ZDHHC14: variants seen among roughly 807,000 people sequenced by gnomAD.
ZDHHC14 encodes palmitoyltransferase ZDHHC14.
Under a neutral mutation model 47.7 loss-of-function variants are expected in ZDHHC14, and 16 were observed. That is an observed-to-expected ratio of 0.34 (90% CI 0.23 to 0.51). The LOEUF (loss-of-function observed/expected upper bound fraction) is 0.51. ZDHHC14 is among the 20% of genes least tolerant of loss of function. ZDHHC14 has a pLI of 0.97. For synonymous variants in ZDHHC14, 293 were observed against 278.9 expected, an observed-to-expected ratio of 1.05 and a Z score of -0.50; for missense variants, 515 against 662.5, an observed-to-expected ratio of 0.78 and a Z score of 2.44.
intron 1 of ZDHHC14, among the ~76,000 whole-genome samples, chr6:157,418,893 G>T (rs953871785): frequency 6.6e-6 from 1 of 152,188 alleles, no homozygotes; most frequent in Non-Finnish European, 1.5e-5. Flanking sequence ...ACTAAGCTGG[G>T]TAGAAAGCAC....
rs557941789 is a variant in ZDHHC14 at position 157,470,512 on chromosome 6, A to G, written c.246-72073A>G. Among the ~76,000 whole-genome samples, 3 of 152,374 alleles carry G rather than the reference A, an allele frequency of 2.0e-5. No homozygotes were observed. The South Asian group carries it at 6.2e-4, about 32-fold the overall frequency. ...TGGATTGAAAAAGTGTCAAAAAGCT[A>G]AAGGTATCCATTGACCACAAGTATG... On this transcript the variant is annotated intron_variant, in intron 1 of 8. Transcript: ENST00000359775.
intron 1 of ZDHHC14, among the ~76,000 whole-genome samples, chr6:157,523,129 T>C (rs1216471039): frequency 6.6e-6 from 1 of 151,702 alleles, no homozygotes; most frequent in Non-Finnish European, 1.5e-5. Flanking sequence ...TCTCTCTCTA[T>C]AGCCCTAGGG....
At chr6:157,592,713 G>T in intron 2 of ZDHHC14, 1 of 1,187,152 alleles carries the variant, frequency 8.4e-7, no homozygotes, top group African/African-American at 1.6e-5. Flanking sequence ...AAAAGGGCGG[G>T]GCTCCACAGG....
chr6:157,653,140 G>A (rs1056967645), intron 7 of ZDHHC14, among the ~76,000 whole-genome samples: 6 of 152,160 alleles, frequency 3.9e-5, no homozygotes, highest in Admixed American at 1.3e-4. Flanking sequence ...GCAGGTACTC[G>A]AAACAACGTT....
At position 157,673,056 on chromosome 6, in the gene ZDHHC14, C is replaced by T. The variant is rs368824062; in HGVS notation, c.1401C>T (p.Gly467=). 3.8e-6 allele frequency: 6 copies of T among 1,567,840 alleles called. No homozygotes were observed. In the African/African-American group the frequency reaches 6.8e-5, roughly 18 times the overall value. Residue 467 remains glycine, a synonymous_variant, in exon 9 of 9, where the codon GGC becomes GGT. Transcript: ENST00000359775. This position sits in a 1 kb window ranked among gnomAD's most constrained non-coding sequence, Gnocchi z 5.4. ...ACAGCCGCACCATGCACGTGCTGGG[C>T]CTGGCCAGCCAGGACTCCCTGCATG... ...LAHSRTMHVL[G]LASQDSLHED... is the part of the protein sequence containing the mutation.
chr6:157,479,821 G>C (rs1159468684), intron 1 of ZDHHC14, among the ~76,000 whole-genome samples: 3 of 152,250 alleles, frequency 2.0e-5, no homozygotes, highest in African/African-American at 7.2e-5. Context: ...GGCCCAGAGA[G>C]AGCTGGAAGG....
At chr6:157,663,663 G>A (rs1027989779) in intron 8 of ZDHHC14, among the ~76,000 whole-genome samples, 5 of 152,162 alleles carry the variant, frequency 3.3e-5, no homozygotes, top group East Asian at 1.9e-4. Flanking sequence ...TTTAGGGACC[G>A]TGCTCACAGG....
chr6:157,676,213 A>AGGAAGCAGGGGGATGCTG lies in ZDHHC14; in HGVS notation c.*3091_*3092insGGAAGCAGGGGGATGCTG, dbSNP rs1554281223. The stretch of plus-strand genomic sequence containing the variant: ...GCAGACAGACTGCATCCAGGAGGGC[A>AGGAAGCAGGGGGATGCTG]CAGTGACCTGTCACTCCGTTCTGCA... On this transcript the variant is annotated 3_prime_UTR_variant, in exon 9 of 9. Transcript: ENST00000359775. 2 of 149,416 alleles carry AGGAAGCAGGGGGATGCTG rather than the reference A, an allele frequency of 1.3e-5. No homozygotes were observed. Among genetic ancestry groups the AGGAAGCAGGGGGATGCTG allele is most frequent in the Non-Finnish European group, 3.0e-5 (2 of 66,428 alleles). 9.3% of individuals were successfully genotyped at this position (149,416 alleles called of 1,614,324 possible).
Position 157,673,529 on chromosome 6 carries a change from TA to T in ZDHHC14, c.*421del, listed in dbSNP as rs376797747. ...CAGACCTGCCATTCCATTTGTTAAT[TA>T]AAAAAAAAAAAAATCCTAAAGGGAA... On this transcript the variant is annotated 3_prime_UTR_variant, in exon 9 of 9. Coordinates refer to ENST00000359775, the MANE Select transcript of ZDHHC14 (RefSeq NM_024630.3). This position sits in a 1 kb window ranked among gnomAD's most constrained non-coding sequence, Gnocchi z 5.4. 10,694 of 153,294 alleles carry T rather than the reference TA, an allele frequency of 0.07. 516 individuals are homozygous for T. The highest frequency in any genetic ancestry group is 0.15 in the African/African-American group (5,968 of 39,702). 9.5% of individuals were successfully genotyped at this position (153,294 alleles called of 1,614,324 possible).
At chr6:157,393,165 C>T (rs984780915) in intron 1 of ZDHHC14, among the ~76,000 whole-genome samples, 1 of 152,200 alleles carries the variant, frequency 6.6e-6, no homozygotes, top group African/African-American at 2.4e-5. Context: ...AGGCGTGAGC[C>T]ACCGCACCCA....
chr6:157,469,205 T>C (rs1317660208), intron 1 of ZDHHC14, among the ~76,000 whole-genome samples: 1 of 152,122 alleles, frequency 6.6e-6, no homozygotes, highest in Non-Finnish European at 1.5e-5. Context: ...GCCCTAAACA[T>C]TTCTTCATCC....
At chr6:157,492,689 C>T (rs1031356832) in intron 1 of ZDHHC14, among the ~76,000 whole-genome samples, 2 of 152,208 alleles carry the variant, frequency 1.3e-5, no homozygotes, top group Non-Finnish European at 2.9e-5. Context: ...AGTTTACAAT[C>T]TAGGGCATGA....
Position 157,498,156 on chromosome 6 carries a change from G to T in ZDHHC14, c.246-44429G>T, listed in dbSNP as rs139596131. Among the ~76,000 whole-genome samples the T allele has an allele frequency of 2.7e-3, 415 of 152,312 alleles. 2 individuals are homozygous for T. Among genetic ancestry groups the T allele is most frequent in the African/African-American group, 9.6e-3 (399 of 41,568 alleles). ...CATGTTAGCAATAAAGAGCCGGGGG[G>T]CTGGGTGCAGTGGCTCATGCCTGTA... On this transcript the variant is annotated intron_variant, in intron 1 of 8. Coordinates refer to ENST00000359775, the MANE Select transcript of ZDHHC14 (RefSeq NM_024630.3).
chr6:157,434,265 C>T (rs1239338517), intron 1 of ZDHHC14, among the ~76,000 whole-genome samples: 1 of 147,306 alleles, frequency 6.8e-6, no homozygotes, highest in African/African-American at 2.6e-5. Context: ...TTCAGGGTCA[C>T]TGAACTATTC....
intron 1 of ZDHHC14, among the ~76,000 whole-genome samples, chr6:157,435,362 G>A (rs1187154797): frequency 6.6e-6 from 1 of 152,236 alleles, no homozygotes; most frequent in Non-Finnish European, 1.5e-5. Flanking sequence ...GGTAGGAGAA[G>A]GGAGGGAAGG....
intron 1 of ZDHHC14, among the ~76,000 whole-genome samples, chr6:157,474,020 G>T (rs1203689398): frequency 7.3e-6 from 1 of 136,810 alleles, no homozygotes; most frequent in Non-Finnish European, 1.5e-5. Context: ...ACGGAGTCTC[G>T]CTCTATCGCC....
chr6:157,437,947 A>C lies in ZDHHC14; in HGVS notation c.245+55681A>C, dbSNP rs140941152. ...AGGTTTACTTTCTTTTTATTTTATA[A>C]TTTACTTGGTTTTCTAAATAGGTAT... On this transcript the variant is annotated intron_variant, in intron 1 of 8. Coordinates refer to ENST00000359775, the MANE Select transcript of ZDHHC14 (RefSeq NM_024630.3). Among the ~76,000 whole-genome samples the C allele has an allele frequency of 7.0e-3, 1,071 of 152,216 alleles. 13 individuals carry two copies. The highest frequency in any genetic ancestry group is 0.023 in the African/African-American group (974 of 41,524).
intron 2 of ZDHHC14, among the ~76,000 whole-genome samples, chr6:157,569,502 G>A (rs147248705): frequency 0.019 from 2,847 of 151,706 alleles, 92 homozygotes; most frequent in African/African-American, 0.065. Context: ...TTTATTCCCG[G>A]GCCAATGATT....
At chr6:157,510,354 T>C (rs1404436223) in intron 1 of ZDHHC14, among the ~76,000 whole-genome samples, 2 of 152,348 alleles carry the variant, frequency 1.3e-5, no homozygotes, top group African/African-American at 4.8e-5. Flanking sequence ...CTGAAAAGAA[T>C]GTTCCAGATG....
Sources: gnomAD v4.1 joint callset for allele counts (sites outside exome capture counted in the v4.1 genomes callset) on GRCh38, gnomAD v4.1.1 for gene constraint, Gnocchi (gnomAD v3.1) non-coding constraint, MANE v1.5 for transcripts, NCBI Gene and HGNC (gene_info 2026-07-23, HGNC 2026-07-21) for gene names.